VPS50: variants seen among roughly 807,000 people sequenced by gnomAD.
VPS50 encodes the protein syndetin.
VPS50 carries 70 observed loss-of-function variants against 139.7 expected under a neutral mutation model. The observed-to-expected ratio is 0.50, with a 90% CI of 0.41 to 0.61. The LOEUF is 0.61. VPS50 is among the 20% of genes least tolerant of loss of function. VPS50 has a pLI of 0.00. For missense variants in VPS50, 921 were observed against 1,133.7 expected (o/e 0.81, Z 2.69); for synonymous variants, 365 against 376.7 (o/e 0.97, Z 0.36).
At chr7:93,289,327 G>T (rs1796582894) in intron 12 of VPS50, among the ~76,000 whole-genome samples, 1 of 151,994 alleles carries the variant, frequency 6.6e-6, no homozygotes, top group Non-Finnish European at 1.5e-5. Flanking sequence ...TTTATGAAGT[G>T]TGTTCATGTG....
rs895684605 is a variant in VPS50 at position 93,343,864 on chromosome 7, G to C, written c.2207+2289G>C. 1.6e-4 allele frequency among the ~76,000 whole-genome samples: 25 copies of C among 152,224 alleles called. No homozygotes were observed. The East Asian group carries it at 2.5e-3, about 15-fold the overall frequency. On this transcript the variant is annotated intron_variant, in intron 23 of 27. Coordinates refer to ENST00000305866, the MANE Select transcript of VPS50 (RefSeq NM_017667.4). ...TGGAAAGGAACAACCGGTACCAGCC[G>C]CTGCAAAATCATGCCAAAATGTAAA...
intron 22 of VPS50, among the ~76,000 whole-genome samples, chr7:93,339,218 A>G (rs1240138137): frequency 6.6e-6 from 1 of 151,750 alleles, no homozygotes; most frequent in Non-Finnish European, 1.5e-5. Flanking sequence ...GCATGGATCC[A>G]TGATCCTGCT....
chr7:93,245,966 G>C, intron 2 of VPS50: 4 of 630,640 alleles, frequency 6.3e-6, no homozygotes, highest in Non-Finnish European at 1.1e-5. Context: ...TTTGGAAAGA[G>C]ATAAAATCTA....
In VPS50 at chr7:93,258,160, C is replaced by T. The variant is rs1795548074; in HGVS notation, c.424C>T (p.His142Tyr). The T allele has an allele frequency of 3.6e-6, 5 of 1,371,898 alleles. No homozygotes were observed. In the South Asian group the frequency reaches 5.9e-5, roughly 16 times the overall value. The allele number at this position is 1,371,898 out of a possible 1,614,324, so 85.0% of individuals were successfully genotyped here. Residue 142 changes from histidine (H) to tyrosine (Y), a missense_variant and splice_region_variant, in exon 7 of 28, where the codon CAC becomes TAC. Coordinates refer to ENST00000305866, the MANE Select transcript of VPS50 (RefSeq NM_017667.4). ...ACTATTTATTGTTCACTTTTGCAGA[C>T]ACTTGAATATTGCAAAGGAAGGTTT... Reference protein sequence around the residue: ...AAVICTNGRRHLNIAKEGFTQ... With the variant: ...AAVICTNGRRYLNIAKEGFTQ...
chr7:93,357,911 T>C (rs1312352532), intron 27 of VPS50, among the ~76,000 whole-genome samples: 2 of 152,270 alleles, frequency 1.3e-5, no homozygotes, highest in Admixed American at 6.5e-5. Flanking sequence ...CTAAAGTGTT[T>C]ACAAAATGTA....
intron 18 of VPS50, among the ~76,000 whole-genome samples, chr7:93,307,224 A>G (rs1797143190): frequency 6.6e-6 from 1 of 151,870 alleles, no homozygotes; most frequent in Non-Finnish European, 1.5e-5. Flanking sequence ...TCAGTACATA[A>G]TCTGAATTCA....
chr7:93,287,010 A>T (rs12530997), intron 12 of VPS50, among the ~76,000 whole-genome samples: 2,075 of 122,586 alleles, frequency 0.017, 21 homozygotes, highest in Admixed American at 0.052. Flanking sequence ...TTTTTTTTTT[A>T]AAAAAAAAAC....
intron 2 of VPS50, among the ~76,000 whole-genome samples, chr7:93,241,483 T>TA (rs1794989229): frequency 6.6e-6 from 1 of 152,086 alleles, no homozygotes; most frequent in Admixed American, 6.6e-5. Flanking sequence ...CAGTTAATAG[T>TA]AAAAAATGTA....
intron 16 of VPS50, among the ~76,000 whole-genome samples, chr7:93,298,104 A>G (rs983566280): frequency 3.3e-5 from 5 of 152,074 alleles, no homozygotes; most frequent in South Asian, 2.1e-4. Context: ...CAAACCATTG[A>G]TTAATTAATT....
intron 23 of VPS50, among the ~76,000 whole-genome samples, chr7:93,343,748 G>A (rs1389605008): frequency 6.6e-6 from 1 of 152,074 alleles, no homozygotes; most frequent in African/African-American, 2.4e-5. Context: ...AAGTGAAGGA[G>A]AAATAAAATA....
At chr7:93,296,915 T>C in intron 15 of VPS50, 79 bp downstream of exon 15, 3 of 1,474,176 alleles carry the variant, frequency 2.0e-6, no homozygotes, top group Non-Finnish European at 2.7e-6. Context: ...AGTTATCATC[T>C]ATAACTTCTT....
chr7:93,291,205 A>G (rs527505248), intron 12 of VPS50, among the ~76,000 whole-genome samples: 1 of 152,068 alleles, frequency 6.6e-6, no homozygotes, highest in African/African-American at 2.4e-5. Flanking sequence ...TTAAAATGTT[A>G]TTGTCAGATA....
At chr7:93,247,588 G>A (rs1407037065) in intron 2 of VPS50, among the ~76,000 whole-genome samples, 4 of 151,790 alleles carry the variant, frequency 2.6e-5, no homozygotes, top group East Asian at 1.9e-4. Flanking sequence ...CCTTCATTCT[G>A]TTTGCATCAC....
intron 25 of VPS50, among the ~76,000 whole-genome samples, chr7:93,352,398 G>T (rs531510698): frequency 2.0e-5 from 3 of 152,274 alleles, no homozygotes; most frequent in Admixed American, 2.0e-4. Flanking sequence ...GCAACGAATT[G>T]TTAAAAATAA....
At chr7:93,251,666 T>C (rs1795338424) in intron 2 of VPS50, among the ~76,000 whole-genome samples, 1 of 152,132 alleles carries the variant, frequency 6.6e-6, no homozygotes, top group Admixed American at 6.5e-5. Context: ...CAAAGTATCA[T>C]AAAAAGTGAA....
intron 22 of VPS50, among the ~76,000 whole-genome samples, chr7:93,339,522 T>G (rs1798156731): frequency 6.6e-6 from 1 of 152,222 alleles, no homozygotes; most frequent in African/African-American, 2.4e-5. Context: ...TAGCTTTATA[T>G]TTTGTACACT....
At chr7:93,308,981 C>T (rs1239411451) in intron 19 of VPS50, 39 bp downstream of exon 19, 3 of 1,071,608 alleles carry the variant, frequency 2.8e-6, no homozygotes, top group Admixed American at 3.5e-5. Context: ...AGCATTTTAT[C>T]TTGTGCTCTT....
chr7:93,322,021 C>CA (rs937221257), intron 20 of VPS50, among the ~76,000 whole-genome samples: 179 of 151,812 alleles, frequency 1.2e-3, no homozygotes, highest in African/African-American at 4.1e-3. Context: ...TGTGATTTTT[C>CA]AAAAAAAGTC....
Position 93,304,032 on chromosome 7 carries a change from C to T in VPS50, c.1452+482C>T, listed in dbSNP as rs552590152. Among the ~76,000 whole-genome samples the T allele has an allele frequency of 8.6e-5, 13 of 151,906 alleles. 1 individual carries two copies. The South Asian group carries it at 2.7e-3, about 31-fold the overall frequency. On this transcript the variant is annotated intron_variant, in intron 17 of 27. Coordinates refer to ENST00000305866, the MANE Select transcript of VPS50 (RefSeq NM_017667.4). ...AAATGCCTCAGAAATAAAAGAGGCA[C>T]TTATAAAAAATACTCTTAACTAATT...
Sources: allele counts gnomAD v4.1 joint callset (sites outside exome capture counted in the v4.1 genomes callset), GRCh38; gene constraint gnomAD v4.1.1; transcripts MANE v1.5; gene names NCBI Gene and HGNC (gene_info 2026-07-23, HGNC 2026-07-21).